Variants in ANO10 observed in about 807,000 individuals in gnomAD.
The protein encoded by ANO10 is anoctamin-10.
Under a neutral mutation model 74.7 loss-of-function variants are expected in ANO10, and 77 were observed. That is an observed-to-expected ratio of 1.03 (90% confidence interval 0.86 to 1.25). The LOEUF (loss-of-function observed/expected upper bound fraction) is 1.25. Ranked by LOEUF, ANO10 falls within the 50% of genes most tolerant of loss-of-function variation. ANO10 has a pLI of 0.00. For synonymous variants in ANO10, 279 were observed against 284.9 expected (o/e 0.98, Z 0.21); for missense variants, 721 against 778.1 (o/e 0.93, Z 0.87).
Position 43,381,850 on chromosome 3 carries a change from C to G in ANO10, c.1915-14876G>C, listed in dbSNP as rs531231818. 4.6e-5 allele frequency among the ~76,000 whole-genome samples: 7 copies of G among 152,204 alleles called. No homozygotes were observed. The South Asian group carries it at 1.4e-3, about 32-fold the overall frequency. ...CAAGTCTCAACAAATATAAGAAAAT[C>G]GAAATTATGGCAAGTACTCTCTCAG... On this transcript the variant is annotated intron_variant, in intron 12 of 12. Coordinates refer to ENST00000292246, the MANE Select transcript of ANO10 (RefSeq NM_018075.5).
At position 43,677,025 on chromosome 3, in the gene ANO10, G is replaced by A. The variant is rs529084516; in HGVS notation, c.-12+14492C>T. 2.6e-4 allele frequency among the ~76,000 whole-genome samples: 39 copies of A among 152,230 alleles called. No homozygotes were observed. The South Asian group carries it at 7.1e-3, about 28-fold the overall frequency. On this transcript the variant is annotated intron_variant, in intron 1 of 3. Coordinates refer to the ANO10 transcript ENST00000413397. ...ACTATGATTTACGTTCTATCAAAAA[G>A]ATACAGGCACTACCATGTTCATCAC...
At chr3:43,468,972 A>T (rs1254607539) in intron 11 of ANO10, among the ~76,000 whole-genome samples, 2 of 149,738 alleles carry the variant, frequency 1.3e-5, no homozygotes, top group Non-Finnish European at 3.0e-5. Context: ...GGCCTCCCAA[A>T]GTACTGGGAT....
rs549401817 is a variant in ANO10 at position 43,563,619 on chromosome 3, G to A, written c.1293+2034C>T. The stretch of plus-strand genomic sequence containing the variant: ...TCAACCTCAGTGTCTATCAACAGAT[G>A]AATAGATAAGGAAAATGTGGTATAT... On this transcript the variant is annotated intron_variant, in intron 8 of 12. Transcript: ENST00000292246. Among the ~76,000 whole-genome samples the A allele has an allele frequency of 1.5e-3, 229 of 152,246 alleles. 1 individual carries two copies. The highest frequency in any genetic ancestry group is 2.5e-3 in the Non-Finnish European group (172 of 68,006).
At chr3:43,538,900 C>T (rs2078835105) in intron 11 of ANO10, among the ~76,000 whole-genome samples, 1 of 152,166 alleles carries the variant, frequency 6.6e-6, no homozygotes. Context: ...AATCCACAAT[C>T]TATTCATTTT....
chr3:43,677,012 G>A (rs12054254), intron 1 of ANO10, among the ~76,000 whole-genome samples: 9,231 of 152,024 alleles, frequency 0.061, 463 homozygotes, highest in South Asian at 0.12. Context: ...TATGATTTAC[G>A]TTCTATCAAA....
chr3:43,549,971 A>G, intron 10 of ANO10, 123 bp from the exon 11 acceptor site: 1 of 1,164,524 alleles, frequency 8.6e-7, no homozygotes, highest in African/African-American at 1.6e-5. Context: ...TTCCAAGTAC[A>G]TTTTAAATTT....
rs2082196444 is a variant in ANO10, at chr3:43,598,584, T to G, written c.420A>C (p.Glu140Asp). The G allele has an allele frequency of 6.2e-7, 1 of 1,612,994 alleles. No individual in the cohort carries two copies. Among genetic ancestry groups the G allele is most frequent in the African/African-American group, 1.3e-5 (1 of 74,920 alleles). The change falls in exon 4 of 13, where the codon GAA becomes GAC. Residue 140 changes from glutamate (E) to aspartate (D), a missense_variant. By Grantham distance (45) the Glu-to-Asp change is conservative. Coordinates refer to ENST00000292246, the MANE Select transcript of ANO10 (RefSeq NM_018075.5). ...CCTGAGGGTAACCAGGGATCATTTTTTCATCTTTAGCTCTAAGATTTTCAA... is the reference window on the plus strand; with the variant it reads ...CCTGAGGGTAACCAGGGATCATTTTGTCATCTTTAGCTCTAAGATTTTCAA... ...HELENLRAKDEKMIPGYPQAK... is the reference protein window; with the variant it reads ...HELENLRAKDDKMIPGYPQAK...
At chr3:43,602,834 T>C (rs2082397185) in intron 2 of ANO10, among the ~76,000 whole-genome samples, 1 of 152,206 alleles carries the variant, frequency 6.6e-6, no homozygotes, top group Non-Finnish European at 1.5e-5. Context: ...TCCATTAACC[T>C]TTCCCTTTCA....
chr3:43,604,012 C>T (rs2082447723), intron 2 of ANO10, among the ~76,000 whole-genome samples: 1 of 152,090 alleles, frequency 6.6e-6, no homozygotes, highest in African/African-American at 2.4e-5. Flanking sequence ...TGCATCTGAC[C>T]ATCTCCAGAG....
At chr3:43,547,510 T>C (rs1407145138) in intron 11 of ANO10, among the ~76,000 whole-genome samples, 1 of 152,184 alleles carries the variant, frequency 6.6e-6, no homozygotes, top group East Asian at 1.9e-4. Flanking sequence ...CTAGCCTTCC[T>C]TGATGCTTCT....
chr3:43,442,006 T>C (rs530249689), intron 11 of ANO10, among the ~76,000 whole-genome samples: 8 of 152,152 alleles, frequency 5.3e-5, no homozygotes, highest in African/African-American at 1.9e-4. Flanking sequence ...TACCTTAACA[T>C]ACTAAAGGTT....
intron 10 of ANO10, among the ~76,000 whole-genome samples, chr3:43,552,710 ATATATATATATATATATATGTATGTATG>A (rs1270112184): frequency 2.3e-5 from 3 of 130,564 alleles, no homozygotes; most frequent in Non-Finnish European, 4.7e-5. Context: ...ATATATATAT[ATATATATATATATATATATGTATGTATG>A]TATGTATGTA....
At chr3:43,434,809 A>T (rs567967675) in intron 11 of ANO10, among the ~76,000 whole-genome samples, 1 of 152,250 alleles carries the variant, frequency 6.6e-6, no homozygotes, top group Admixed American at 6.5e-5. Context: ...TTTCCATGCG[A>T]ACTGTTCACA....
intron 1 of ANO10, among the ~76,000 whole-genome samples, chr3:43,620,906 G>A (rs1313537752): frequency 6.6e-6 from 1 of 152,184 alleles, no homozygotes; most frequent in Non-Finnish European, 1.5e-5. Flanking sequence ...TTCAGCAACA[G>A]CTGTTCAGAA....
At chr3:43,375,766 C>G (rs867660200) in intron 12 of ANO10, among the ~76,000 whole-genome samples, 6 of 151,184 alleles carry the variant, frequency 4.0e-5, no homozygotes, top group African/African-American at 1.5e-4. Flanking sequence ...TTTATTCCCC[C>G]CTTGTCCATG....
chr3:43,658,513 G>A (rs1347617084), intron 1 of ANO10, among the ~76,000 whole-genome samples: 4 of 151,590 alleles, frequency 2.6e-5, no homozygotes, highest in Admixed American at 6.6e-5. Context: ...ACTGTTGCCC[G>A]GGCTGGAGTG....
intron 11 of ANO10, among the ~76,000 whole-genome samples, chr3:43,509,541 T>C (rs530365660): frequency 6.6e-6 from 1 of 152,298 alleles, no homozygotes; most frequent in African/African-American, 2.4e-5. Flanking sequence ...AAATTAGTGA[T>C]AGCACCAAAT....
chr3:43,681,786 C>T (rs1294453472), intron 1 of ANO10, among the ~76,000 whole-genome samples: 8 of 152,280 alleles, frequency 5.3e-5, no homozygotes, highest in Admixed American at 2.0e-4. Flanking sequence ...CACTCAAAAC[C>T]GCTCAACTAC....
intron 1 of ANO10, among the ~76,000 whole-genome samples, chr3:43,654,144 A>T (rs1424751114): frequency 6.6e-6 from 1 of 152,090 alleles, no homozygotes; most frequent in African/African-American, 2.4e-5. Flanking sequence ...TGTTCATTTC[A>T]TTATCACCTG....
Sources: gnomAD v4.1 joint callset for allele counts (sites outside exome capture counted in the v4.1 genomes callset) on GRCh38, gnomAD v4.1.1 for gene constraint, MANE v1.5 for transcripts, NCBI Gene and HGNC (gene_info 2026-07-23, HGNC 2026-07-21) for gene names.